LCOR: variants seen among roughly 807,000 people sequenced by gnomAD.
LCOR encodes ligand-dependent corepressor.
LCOR carries 14 observed loss-of-function variants against 64.4 expected under a neutral mutation model. That is an observed-to-expected ratio of 0.22 (90% confidence interval 0.14 to 0.34). LCOR has a LOEUF of 0.34. Ranked by LOEUF, LCOR falls within the 10% of genes least tolerant of loss-of-function variation. LCOR has a pLI of 1.00. For missense variants in LCOR, 1,686 were observed against 1,765.3 expected (o/e 0.96, Z 0.80); for synonymous variants, 643 against 642.5 (o/e 1.00, Z -0.01).
chr10:96,864,654 C>G (rs1203222744), intron 2 of LCOR, among the ~76,000 whole-genome samples: 1 of 152,192 alleles, frequency 6.6e-6, no homozygotes, highest in Non-Finnish European at 1.5e-5. Flanking sequence ...TTTCAGTCAA[C>G]AACAGACCAC....
At chr10:96,878,196 G>A (rs1016213186) in intron 2 of LCOR, among the ~76,000 whole-genome samples, 1 of 152,186 alleles carries the variant, frequency 6.6e-6, no homozygotes, top group African/African-American at 2.4e-5. Flanking sequence ...CAGCAGCATT[G>A]TAGGCGTTTG....
rs981478887 is a variant in LCOR, at chr10:96,991,436, A to C, written c.*6302A>C. 1 of 152,230 alleles carries C rather than the reference A, an allele frequency of 6.6e-6. No homozygotes were observed. The highest frequency in any genetic ancestry group is 6.5e-5 in the Admixed American group (1 of 15,284). The allele number at this position is 152,230 out of a possible 1,614,324, so 9.4% of individuals were successfully genotyped here. On this transcript the variant is annotated 3_prime_UTR_variant, in exon 8 of 8. Transcript: ENST00000421806. Reference sequence around the variant, plus strand: ...ATTTTTATGAATCAGAGTGAACTTGACTGTGGTAGACATTCCATTAACAGC... The same window carrying C: ...ATTTTTATGAATCAGAGTGAACTTGCCTGTGGTAGACATTCCATTAACAGC...
intron 4 of LCOR, among the ~76,000 whole-genome samples, chr10:96,914,894 C>T (rs1446576633): frequency 6.6e-6 from 1 of 152,196 alleles, no homozygotes; most frequent in Non-Finnish European, 1.5e-5. Context: ...GATTGCTTGA[C>T]ACACTGGTAA....
At chr10:96,930,125 A>G (rs1847232574) in intron 4 of LCOR, among the ~76,000 whole-genome samples, 1 of 152,192 alleles carries the variant, frequency 6.6e-6, no homozygotes, top group Non-Finnish European at 1.5e-5. Flanking sequence ...TCTTGGGAAA[A>G]TGGCACCACT....
intron 7 of LCOR, among the ~76,000 whole-genome samples, chr10:96,952,456 G>C (rs892330530): frequency 2.0e-5 from 3 of 152,070 alleles, no homozygotes; most frequent in Non-Finnish European, 4.4e-5. Flanking sequence ...GGCATGTTTT[G>C]GAGTGTGATA....
chr10:96,857,897 C>T (rs767864267), intron 2 of LCOR, among the ~76,000 whole-genome samples: 4 of 152,148 alleles, frequency 2.6e-5, no homozygotes, highest in African/African-American at 7.2e-5. Context: ...TATACCCTGC[C>T]CAGTCCCTAT....
At position 96,832,383 on chromosome 10, in the gene LCOR, G is replaced by T; in HGVS notation, c.-420G>T. 1 of 985,014 alleles carries T rather than the reference G, an allele frequency of 1.0e-6. No individual in the cohort carries two copies. The highest frequency in any genetic ancestry group is 1.7e-5 in the African/African-American group (1 of 57,264). 61.0% of individuals were successfully genotyped at this position (985,014 alleles called of 1,614,324 possible). On this transcript the variant is annotated 5_prime_UTR_variant, in exon 1 of 8. Coordinates refer to ENST00000421806, the MANE Select transcript of LCOR (RefSeq NM_001346516.2). Reference sequence around the variant, plus strand: ...AAGAACTGGATTCGTGGCGCCACAAGCTCATTCACTGTGTAGGTGAGACCC... The same window carrying T: ...AAGAACTGGATTCGTGGCGCCACAATCTCATTCACTGTGTAGGTGAGACCC...
chr10:96,872,949 ATT>A (rs974924666), intron 2 of LCOR, among the ~76,000 whole-genome samples: 18 of 147,210 alleles, frequency 1.2e-4, no homozygotes, highest in African/African-American at 4.5e-4. Flanking sequence ...ATACTGTAGT[ATT>A]ATATGACAGC....
intron 7 of LCOR, among the ~76,000 whole-genome samples, chr10:96,979,981 T>TA (rs780603491): frequency 3.2e-4 from 48 of 152,094 alleles, no homozygotes; most frequent in Admixed American, 9.2e-4. Flanking sequence ...CCGTCTCTAC[T>TA]AAAATACAAA....
At chr10:96,907,500 G>T (rs1267941120) in intron 3 of LCOR, among the ~76,000 whole-genome samples, 168 bp from the exon 4 acceptor site, 2 of 152,204 alleles carry the variant, frequency 1.3e-5, no homozygotes, top group African/African-American at 4.8e-5. Context: ...TATGAATAAT[G>T]TATTAACTAG....
At chr10:96,927,359 A>G (rs550837741) in intron 4 of LCOR, among the ~76,000 whole-genome samples, 7 of 152,100 alleles carry the variant, frequency 4.6e-5, no homozygotes, top group Admixed American at 3.3e-4. Flanking sequence ...AAGTTATAAT[A>G]ATTCTTTATA....
intron 7 of LCOR, among the ~76,000 whole-genome samples, chr10:96,954,056 G>A (rs1336173559): frequency 2.0e-5 from 3 of 152,092 alleles, no homozygotes; most frequent in Non-Finnish European, 1.5e-5. Flanking sequence ...TTTCAAAATA[G>A]GTGTTTGGTA....
chr10:96,891,530 CTTTTTTTTTTTTTT>C (rs71007307), intron 2 of LCOR, among the ~76,000 whole-genome samples: 8 of 7,644 alleles, frequency 1.0e-3, no homozygotes, highest in African/African-American at 1.7e-3. Flanking sequence ...TGTCTTGACT[CTTTTTTTTTTTTTT>C]TTTTTTTTTT....
At chr10:96,837,608 G>A (rs1845469541) in intron 2 of LCOR, among the ~76,000 whole-genome samples, 1 of 152,156 alleles carries the variant, frequency 6.6e-6, no homozygotes, top group Admixed American at 6.5e-5. Flanking sequence ...ATCCACAAGA[G>A]TATTATCTTC....
chr10:96,844,709 A>G (rs12262784), intron 2 of LCOR, among the ~76,000 whole-genome samples: 21,548 of 152,124 alleles, frequency 0.14, 2,112 homozygotes, highest in African/African-American at 0.27. Context: ...ATTCTTCACC[A>G]TTAACTGAGA....
intron 2 of LCOR, among the ~76,000 whole-genome samples, chr10:96,865,524 G>A (rs901706601): frequency 6.7e-6 from 1 of 148,262 alleles, no homozygotes; most frequent in African/African-American, 2.6e-5. Context: ...CAATTAAAAT[G>A]TACAGTAGTT....
In LCOR at chr10:96,983,354, G is replaced by T; in HGVS notation, c.2894G>T (p.Ser965Ile). ...DEKNAHIPSE[S>I]IACKRDPEQA... Reference sequence around the variant, plus strand: ...AAGAATGCTCATATCCCCTCAGAAAGTATTGCTTGTAAGAGGGACCCAGAA... The same window carrying T: ...AAGAATGCTCATATCCCCTCAGAAATTATTGCTTGTAAGAGGGACCCAGAA... Residue 965 changes from serine (S) to isoleucine (I), a missense_variant, in exon 8 of 8, where the codon AGT becomes ATT. Ser to Ile is a moderately radical substitution (Grantham distance 142). This residue lies in a region of LCOR where 1,293 missense variants were observed against 1,410.4 expected (regional missense o/e 0.92). Transcript: ENST00000421806. This position sits in a 1 kb window ranked among gnomAD's most constrained non-coding sequence, Gnocchi z 4.5. 3.1e-6 allele frequency: 5 copies of T among 1,614,214 alleles called. No homozygotes were observed. The highest frequency in any genetic ancestry group is 4.2e-6 in the Non-Finnish European group (5 of 1,180,050).
At chr10:96,902,445 T>A (rs1846656425) in intron 2 of LCOR, among the ~76,000 whole-genome samples, 1 of 152,194 alleles carries the variant, frequency 6.6e-6, no homozygotes, top group East Asian at 1.9e-4. Context: ...CCAGGGATAG[T>A]AAGGGGAAGA....
chr10:96,937,611 CA>C (rs1847373418), intron 4 of LCOR, among the ~76,000 whole-genome samples: 1 of 151,762 alleles, frequency 6.6e-6, no homozygotes, highest in South Asian at 2.1e-4. Flanking sequence ...CTCGGCCTCC[CA>C]AAGTGCTGGG....
Sources: gnomAD v4.1 joint callset for allele counts (sites outside exome capture counted in the v4.1 genomes callset) on GRCh38, gnomAD v4.1.1 for gene constraint, gnomAD v4.1.1 regional missense constraint, Gnocchi (gnomAD v3.1) non-coding constraint, MANE v1.5 for transcripts, NCBI Gene and HGNC (gene_info 2026-07-23, HGNC 2026-07-21) for gene names.